Variants in ENOX1 observed in about 807,000 individuals in gnomAD.
The protein encoded by ENOX1 is candidate growth-related and time keeping constitutive hydroquinone (NADH) oxidase.
A neutral mutation model predicts 82.5 loss-of-function variants in ENOX1; 42 were observed. The observed-to-expected ratio is 0.51, with a 90% CI of 0.40 to 0.66. The LOEUF (loss-of-function observed/expected upper bound fraction) is 0.66. Among genes scored for constraint, ENOX1 ranks in the 30% least tolerant of loss-of-function variants. ENOX1 has a pLI of 0.00. For missense variants in ENOX1, 608 were observed against 811.6 expected, an observed-to-expected ratio of 0.75 and a Z score of 3.05; for synonymous variants, 271 against 282.2, an observed-to-expected ratio of 0.96 and a Z score of 0.40.
intron 12 of ENOX1, among the ~76,000 whole-genome samples, chr13:43,290,184 A>G (rs2045920364): frequency 6.6e-6 from 1 of 152,204 alleles, no homozygotes; most frequent in Non-Finnish European, 1.5e-5. Context: ...CAAAGAACTT[A>G]AAACAGAGCT....
chr13:43,629,970 C>T (rs544227652), intron 2 of ENOX1, among the ~76,000 whole-genome samples: 10 of 152,254 alleles, frequency 6.6e-5, no homozygotes, highest in African/African-American at 1.9e-4. Context: ...GTGAACACTA[C>T]GCAGAGTTCT....
chr13:43,599,397 A>G (rs918104074), intron 2 of ENOX1, among the ~76,000 whole-genome samples: 1 of 151,922 alleles, frequency 6.6e-6, no homozygotes, highest in African/African-American at 2.4e-5. Context: ...GGGACTTTGC[A>G]TTGAAACTCA....
chr13:43,261,048 T>C (rs1321622684), intron 14 of ENOX1, among the ~76,000 whole-genome samples: 1 of 152,196 alleles, frequency 6.6e-6, no homozygotes, highest in Non-Finnish European at 1.5e-5. Context: ...TAAATCTGCT[T>C]TCAGAAAACT....
At chr13:43,471,398 T>C (rs561914830) in intron 3 of ENOX1, among the ~76,000 whole-genome samples, 1 of 152,300 alleles carries the variant, frequency 6.6e-6, no homozygotes, top group East Asian at 1.9e-4. Flanking sequence ...TTGTGTGTCT[T>C]ATCATATGTA....
rs190510670 is a variant in ENOX1 at position 43,439,847 on chromosome 13, A to G, written c.-74-26859T>C. On this transcript the variant is annotated intron_variant, in intron 3 of 16. Transcript: ENST00000690772. ...AGTCAATAAATGAGCAACGAGCCAG[A>G]TTTTTCTGGTGAAACATTTGAAGCC... 1.1e-3 allele frequency among the ~76,000 whole-genome samples: 166 copies of G among 152,298 alleles called. 1 individual carries two copies. The highest frequency in any genetic ancestry group is 1.2e-3 in the Non-Finnish European group (85 of 68,022).
At chr13:43,732,127 A>G (rs9567255) in intron 1 of ENOX1, among the ~76,000 whole-genome samples, 151,700 of 152,312 alleles carry the variant, frequency 1, 75,547 homozygotes, top group East Asian at 1. Context: ...ATAGCCCCTT[A>G]CTCCTCCTCC....
chr13:43,558,637 T>A (rs1226198416), intron 2 of ENOX1, among the ~76,000 whole-genome samples: 3 of 152,226 alleles, frequency 2.0e-5, no homozygotes, highest in African/African-American at 7.2e-5. Context: ...CACTTCTACA[T>A]TTCAACATTA....
At chr13:43,445,322 A>T (rs370294278) in intron 3 of ENOX1, among the ~76,000 whole-genome samples, 2 of 151,848 alleles carry the variant, frequency 1.3e-5, no homozygotes, top group Non-Finnish European at 2.9e-5. Flanking sequence ...ATGGGGTTTC[A>T]CCGTGTTAGC....
chr13:43,743,746 T>G (rs11147926), intron 1 of ENOX1, among the ~76,000 whole-genome samples: 59,037 of 152,086 alleles, frequency 0.39, 14,505 homozygotes, highest in Non-Finnish European at 0.56. Context: ...ATTTAGCAGC[T>G]GTCTTAGTCT....
chr13:43,728,566 C>T (rs188933831), intron 1 of ENOX1, among the ~76,000 whole-genome samples: 15 of 152,036 alleles, frequency 9.9e-5, no homozygotes, highest in African/African-American at 1.4e-4. Flanking sequence ...GCACTGAGAC[C>T]GAGGGCTCTC....
At chr13:43,466,787 A>T (rs1297021492) in intron 3 of ENOX1, among the ~76,000 whole-genome samples, 1 of 152,170 alleles carries the variant, frequency 6.6e-6, no homozygotes, top group African/African-American at 2.4e-5. Flanking sequence ...ACCCATTAAC[A>T]GTCACTCCCC....
At chr13:43,561,593 T>C (rs900075369) in intron 2 of ENOX1, among the ~76,000 whole-genome samples, 6 of 152,002 alleles carry the variant, frequency 3.9e-5, no homozygotes, top group African/African-American at 7.3e-5. Flanking sequence ...TATAGCACAA[T>C]AGAAAAGTTA....
intron 3 of ENOX1, among the ~76,000 whole-genome samples, chr13:43,424,943 A>G (rs529934350): frequency 7.7e-4 from 117 of 152,318 alleles, no homozygotes; most frequent in Non-Finnish European, 1.5e-3. Context: ...GTTCCAGTTC[A>G]GCAGTGAGCA....
chr13:43,560,042 CA>C (rs1167934701), intron 2 of ENOX1, among the ~76,000 whole-genome samples: 1 of 152,150 alleles, frequency 6.6e-6, no homozygotes, highest in Non-Finnish European at 1.5e-5. Context: ...CACACATAAA[CA>C]AGCATATACA....
intron 9 of ENOX1, among the ~76,000 whole-genome samples, chr13:43,329,363 G>A (rs893230088): frequency 6.6e-6 from 1 of 152,152 alleles, no homozygotes; most frequent in Admixed American, 6.5e-5. Flanking sequence ...GATAGGAGGA[G>A]GCAGCTGACT....
chr13:43,366,514 G>C (rs1293126265), intron 5 of ENOX1, among the ~76,000 whole-genome samples: 2 of 152,166 alleles, frequency 1.3e-5, no homozygotes, highest in Admixed American at 6.5e-5. Context: ...CTGACCTCGT[G>C]ATCTGCCTGC....
intron 11 of ENOX1, among the ~76,000 whole-genome samples, chr13:43,304,499 AC>A (rs1218766697): frequency 1.3e-5 from 2 of 152,110 alleles, no homozygotes; most frequent in African/African-American, 4.8e-5. Flanking sequence ...CAGGGACCCT[AC>A]TGTAGTGGCT....
intron 1 of ENOX1, among the ~76,000 whole-genome samples, chr13:43,703,192 G>A (rs1478027916): frequency 6.6e-6 from 1 of 152,086 alleles, no homozygotes; most frequent in Non-Finnish European, 1.5e-5. Context: ...GACTAAGATA[G>A]GTAACTTTAA....
chr13:43,690,819 C>T lies in ENOX1; in HGVS notation c.-284-23275G>A, dbSNP rs2086322512. Among the ~76,000 whole-genome samples, 5 of 152,154 alleles carry T rather than the reference C, an allele frequency of 3.3e-5. No individual in the cohort carries two copies. The South Asian group carries it at 8.3e-4, about 25-fold the overall frequency. ...CTGGTGATGCAGATAATGTATGAAA[C>T]TGAGAAACCACTACTTGTTTCCCAC... On this transcript the variant is annotated intron_variant, in intron 1 of 16. Coordinates refer to ENST00000690772, the MANE Select transcript of ENOX1 (RefSeq NM_001347969.2).
Sources: allele counts gnomAD v4.1 joint callset (sites outside exome capture counted in the v4.1 genomes callset), GRCh38; gene constraint gnomAD v4.1.1; transcripts MANE v1.5; gene names NCBI Gene and HGNC (gene_info 2026-07-23, HGNC 2026-07-21).